HTRA1: variants seen among roughly 807,000 people sequenced by gnomAD.
HTRA1 encodes the protein HtrA serine peptidase 1, also known as serine protease HTRA1.
In HTRA1, 26 loss-of-function variants were observed where a neutral mutation model predicts 49.7. That is an observed-to-expected ratio of 0.52 (90% CI 0.38 to 0.73). The LOEUF (loss-of-function observed/expected upper bound fraction) is 0.73, where lower values mean the gene tolerates loss of function less well. Ranked by LOEUF, HTRA1 falls within the 30% of genes least tolerant of loss-of-function variation. The pLI is 0.00. For synonymous variants in HTRA1, 291 were observed against 286.9 expected (o/e 1.01, Z -0.14); for missense variants, 561 against 667.2 (o/e 0.84, Z 1.75).
Position 122,514,249 on chromosome 10 carries a change from G to A in HTRA1, c.1333G>A (p.Ala445Thr), listed in dbSNP as rs371279115. The change falls in exon 9 of 9, where the codon GCC becomes ACC. Residue 445 changes from alanine to threonine, a missense_variant. Coordinates refer to ENST00000368984, the MANE Select transcript of HTRA1 (RefSeq NM_002775.5). ...CATCAATGGACAGTCCGTGGTCTCC[G>A]CCAATGATGTCAGCGACGTCATTAA... ...ISINGQSVVS[A>T]NDVSDVIKRE... 1.0e-4 allele frequency: 168 copies of A among 1,613,814 alleles called. No individual in the cohort carries two copies. Among genetic ancestry groups the A allele is most frequent in the Middle Eastern group, 8.3e-4 (5 of 6,030 alleles).
intron 1 of HTRA1, among the ~76,000 whole-genome samples, chr10:122,466,644 G>A (rs924291169): frequency 3.9e-5 from 6 of 152,108 alleles, no homozygotes; most frequent in Non-Finnish European, 5.9e-5. Context: ...TGCTTCCCTG[G>A]GGTTGTATTT....
In HTRA1 at chr10:122,514,894, C is replaced by A. The variant is rs1384039716; in HGVS notation, c.*535C>A. ...ACTCTGAGTTTGAGCTATTAAAGTA[C>A]TTCTTACACATTGCTTTCTGTAGTG... is the stretch of plus-strand genomic sequence containing the variant. On this transcript the variant is annotated 3_prime_UTR_variant, in exon 9 of 9. Coordinates refer to ENST00000368984, the MANE Select transcript of HTRA1 (RefSeq NM_002775.5). 5.5e-6 allele frequency: 1 copy of A among 182,728 alleles called. No individual in the cohort carries two copies. The highest frequency in any genetic ancestry group is 2.4e-5 in the African/African-American group (1 of 42,246). The allele number at this position is 182,728 out of a possible 1,614,324, so 11.3% of individuals were successfully genotyped here. A position where few individuals can be genotyped will look rare whatever the true frequency, so the allele number is the denominator to read the frequency against.
intron 3 of HTRA1, among the ~76,000 whole-genome samples, chr10:122,501,663 T>C (rs533971098): frequency 6.6e-6 from 1 of 152,260 alleles, no homozygotes; most frequent in African/African-American, 2.4e-5. Context: ...CAACGAGTGC[T>C]GAGGTCGCTG....
At position 122,464,467 on chromosome 10, in the gene HTRA1, T is replaced by A. The variant is rs1424482171; in HGVS notation, c.472+2343T>A. ...CTTCTTTTGCAAATATTTATTGAGC[T>A]CTGTAGGGTGTCTGACACCGTTTGC... On this transcript the variant is annotated intron_variant, in intron 1 of 8. Coordinates refer to ENST00000368984, the MANE Select transcript of HTRA1 (RefSeq NM_002775.5). The surrounding 1 kb of genome is among the most constrained non-coding windows in gnomAD (Gnocchi z 4.8). Among the ~76,000 whole-genome samples, 1 of 152,174 alleles carries A rather than the reference T, an allele frequency of 6.6e-6. No individual in the cohort carries two copies. Among genetic ancestry groups the A allele is most frequent in the Non-Finnish European group, 1.5e-5 (1 of 68,024 alleles).
chr10:122,512,615 G>A (rs2097506148), intron 8 of HTRA1, among the ~76,000 whole-genome samples: 1 of 152,214 alleles, frequency 6.6e-6, no homozygotes, highest in South Asian at 2.1e-4. Flanking sequence ...CAGCAAATGT[G>A]CCTTGGGGGC....
chr10:122,508,811 G>T, intron 6 of HTRA1, 41 bp downstream of exon 6: 1 of 1,204,086 alleles, frequency 8.3e-7, no homozygotes, highest in East Asian at 2.3e-5. Flanking sequence ...CCGGAGATGG[G>T]GCCTGAAGCT....
chr10:122,500,609 T>C (rs1228904622), intron 3 of HTRA1, among the ~76,000 whole-genome samples: 1 of 152,158 alleles, frequency 6.6e-6, no homozygotes, highest in Non-Finnish European at 1.5e-5. Flanking sequence ...GAGGGGGTAA[T>C]GTGTGTGCGT....
intron 3 of HTRA1, among the ~76,000 whole-genome samples, chr10:122,505,242 G>A (rs2097502558): frequency 1.3e-5 from 2 of 152,262 alleles, no homozygotes; most frequent in East Asian, 1.9e-4. Flanking sequence ...GTGTGCTCTT[G>A]ACCATGGACA....
At chr10:122,463,413 C>T (rs975683402) in intron 1 of HTRA1, among the ~76,000 whole-genome samples, 29 of 152,184 alleles carry the variant, frequency 1.9e-4, no homozygotes, top group African/African-American at 6.3e-4. Flanking sequence ...ATGATGATAG[C>T]ACACGTCTGT....
chr10:122,465,293 T>G (rs1269261898), intron 1 of HTRA1, among the ~76,000 whole-genome samples: 1 of 152,092 alleles, frequency 6.6e-6, no homozygotes, highest in African/African-American at 2.4e-5. Context: ...GTCAGATGAT[T>G]ACAAAAAAGA....
chr10:122,481,372 G>T (rs2097490908), intron 1 of HTRA1, among the ~76,000 whole-genome samples: 1 of 152,174 alleles, frequency 6.6e-6, no homozygotes, highest in Admixed American at 6.5e-5. Flanking sequence ...CCAAATGCTG[G>T]CAGCCACCCT....
At chr10:122,495,006 G>A (rs1376965893) in intron 3 of HTRA1, among the ~76,000 whole-genome samples, 1 of 152,010 alleles carries the variant, frequency 6.6e-6, no homozygotes, top group Non-Finnish European at 1.5e-5. Flanking sequence ...GAGTGGACTG[G>A]GGTGGTGCTT....
Position 122,461,685 on chromosome 10 carries a change from G to T in HTRA1, c.33G>T (p.Leu11=). 1 of 1,303,760 alleles carries T rather than the reference G, an allele frequency of 7.7e-7. No individual in the cohort carries two copies. The allele number at this position is 1,303,760 out of a possible 1,614,324, so 80.8% of individuals were successfully genotyped here. A position where few individuals can be genotyped will look rare whatever the true frequency, so the allele number is the denominator to read the frequency against. Residue 11 remains leucine (L), a synonymous_variant, in exon 1 of 9, where the codon CTG becomes CTT. Transcript: ENST00000368984. MQIPRAALLP[L]LLLLLAAPAS... is the part of the protein sequence containing the mutation. ...TCCCGCGCGCCGCTCTTCTCCCGCT[G>T]CTGCTGCTGCTGCTGGCGGCGCCCG...
At chr10:122,478,637 C>T (rs11200645) in intron 1 of HTRA1, among the ~76,000 whole-genome samples, 41,210 of 150,676 alleles carry the variant, frequency 0.27, 6,711 homozygotes, top group East Asian at 0.42. Context: ...CATGATCTGC[C>T]TGCCTTGGCC....
intron 3 of HTRA1, among the ~76,000 whole-genome samples, chr10:122,500,324 G>T (rs1268650734): frequency 1.3e-5 from 2 of 152,206 alleles, no homozygotes; most frequent in Non-Finnish European, 2.9e-5. Context: ...TGGGGACCCT[G>T]TTGCCTGTTT....
At chr10:122,503,062 C>A (rs1210300716) in intron 3 of HTRA1, among the ~76,000 whole-genome samples, 2 of 152,248 alleles carry the variant, frequency 1.3e-5, no homozygotes, top group South Asian at 4.1e-4. Flanking sequence ...GAGCTGCCAC[C>A]TTCAAGACGG....
chr10:122,479,686 T>C (rs1393141416), intron 1 of HTRA1, among the ~76,000 whole-genome samples: 1 of 151,454 alleles, frequency 6.6e-6, no homozygotes, highest in African/African-American at 2.4e-5. Context: ...TTTGGAGGTG[T>C]GGGGAGAGGT....
At chr10:122,496,144 G>A (rs562556591) in intron 3 of HTRA1, among the ~76,000 whole-genome samples, 111 of 150,530 alleles carry the variant, frequency 7.4e-4, no homozygotes, top group Non-Finnish European at 1.4e-3. Context: ...TAAGAACCAA[G>A]CGAGGTGAAG....
chr10:122,482,589 C>T (rs1388473671), intron 1 of HTRA1, among the ~76,000 whole-genome samples: 3 of 151,992 alleles, frequency 2.0e-5, no homozygotes, highest in Non-Finnish European at 4.4e-5. Flanking sequence ...GCATTTTTGC[C>T]TTAAAGATGA....
Sources: gnomAD v4.1 joint callset for allele counts (sites outside exome capture counted in the v4.1 genomes callset) on GRCh38, gnomAD v4.1.1 for gene constraint, Gnocchi (gnomAD v3.1) non-coding constraint, MANE v1.5 for transcripts, NCBI Gene and HGNC (gene_info 2026-07-23, HGNC 2026-07-21) for gene names.